PEDS1: variants seen among roughly 807,000 people sequenced by gnomAD.
PEDS1 encodes CarF homolog.
Under a neutral mutation model 35.2 loss-of-function variants are expected in PEDS1, and 14 were observed. That is an observed-to-expected ratio of 0.40 (90% CI 0.26 to 0.62). The LOEUF is 0.62. Among genes scored for constraint, PEDS1 ranks in the 20% least tolerant of loss-of-function variants. PEDS1 has a pLI of 0.44. For synonymous variants in PEDS1, 152 were observed against 152.0 expected, an observed-to-expected ratio of 1.00 and a Z score of 0.00; for missense variants, 260 against 367.8, an observed-to-expected ratio of 0.71 and a Z score of 2.40.
In PEDS1 at chr20:50,121,523, G is replaced by A. The variant is rs2081050840; in HGVS notation, c.*3535C>T. 1 of 152,252 alleles carries A rather than the reference G, an allele frequency of 6.6e-6. No individual in the cohort carries two copies. 9.4% of individuals were successfully genotyped at this position (152,252 alleles called of 1,614,324 possible). A position where few individuals can be genotyped will look rare whatever the true frequency, so the allele number is the denominator to read the frequency against. On this transcript the variant is annotated 3_prime_UTR_variant, in exon 6 of 6. Coordinates refer to ENST00000371652, the MANE Select transcript of PEDS1 (RefSeq NM_199129.4). ...GACCCATGCCAGAGCTCTCTGCACA[G>A]TCTGGTGCAAAGTTAAGTGCTCAGT...
chr20:50,150,692 T>C (rs1194441756), intron 1 of PEDS1, among the ~76,000 whole-genome samples: 1 of 147,020 alleles, frequency 6.8e-6, no homozygotes, highest in Admixed American at 6.6e-5. Context: ...GCTCCGTTTT[T>C]TTCTTTTTCT....
chr20:50,127,749 C>T (rs973021640), intron 5 of PEDS1, among the ~76,000 whole-genome samples: 1 of 152,170 alleles, frequency 6.6e-6, no homozygotes, highest in Non-Finnish European at 1.5e-5. Context: ...AATCACAACG[C>T]CATGAAGTCG....
Position 50,153,693 on chromosome 20 carries a change from G to C in PEDS1, c.-56C>G. 8.4e-7 allele frequency: 1 copy of C among 1,185,410 alleles called. No individual in the cohort carries two copies. The highest frequency in any genetic ancestry group is 1.0e-6 in the Non-Finnish European group (1 of 958,628). The allele number at this position is 1,185,410 out of a possible 1,614,324, so 73.4% of individuals were successfully genotyped here. On this transcript the variant is annotated 5_prime_UTR_variant, in exon 1 of 6. Transcript: ENST00000371652. ...TGCTGGCGGCGGCGGCGGCAGGGCCGCGGAACCGCGGCGAGATCACGCCGC... is the reference window on the plus strand; with the variant it reads ...TGCTGGCGGCGGCGGCGGCAGGGCCCCGGAACCGCGGCGAGATCACGCCGC...
chr20:50,141,170 C>T (rs2081288248), intron 2 of PEDS1, among the ~76,000 whole-genome samples: 1 of 152,206 alleles, frequency 6.6e-6, no homozygotes, highest in Admixed American at 6.5e-5. Flanking sequence ...TATACACGCC[C>T]TGGTGGGGAA....
rs147708113 is a variant in PEDS1, at chr20:50,130,263, G to A, written c.334-573C>T. On this transcript the variant is annotated intron_variant, in intron 3 of 5. Transcript: ENST00000371652. ...AGTTGGCGGAAACTACAGGGAAGGAGAAATGCTGTTCTCCTGGAAGGAGAA... is the reference window on the plus strand; with the variant it reads ...AGTTGGCGGAAACTACAGGGAAGGAAAAATGCTGTTCTCCTGGAAGGAGAA... Among the ~76,000 whole-genome samples the A allele has an allele frequency of 1.6e-3, 241 of 152,346 alleles. 1 individual carries two copies. Among genetic ancestry groups the A allele is most frequent in the Non-Finnish European group, 2.9e-3 (197 of 68,034 alleles).
Position 50,136,098 on chromosome 20 carries a change from TAA to T in PEDS1, c.242-5153_242-5152del, listed in dbSNP as rs796896597. Among the ~76,000 whole-genome samples, 24 of 145,662 alleles carry T rather than the reference TAA, an allele frequency of 1.6e-4. No individual in the cohort carries two copies. The East Asian group carries it at 2.6e-3, about 16-fold the overall frequency. ...GGGTTAAGATGTCAACTACTTTTTT[TAA>T]AAAAAAAAACCTGATATTTATTGAG... On this transcript the variant is annotated intron_variant, in intron 2 of 5. Coordinates refer to ENST00000371652, the MANE Select transcript of PEDS1 (RefSeq NM_199129.4).
rs2081048916 is a variant in PEDS1 at position 50,121,302 on chromosome 20, C to T, written c.*3756G>A. On this transcript the variant is annotated 3_prime_UTR_variant, in exon 6 of 6. Transcript: ENST00000371652. ...AGTGGACACATTTCTCACGTGCCAC[C>T]TGTCTCACCTCCCTCTCCACAATGG... 1 of 152,192 alleles carries T rather than the reference C, an allele frequency of 6.6e-6. No homozygotes were observed. Among genetic ancestry groups the T allele is most frequent in the South Asian group, 2.1e-4 (1 of 4,824 alleles). The allele number at this position is 152,192 out of a possible 1,614,324, so 9.4% of individuals were successfully genotyped here.
intron 1 of PEDS1, 116 bp downstream of exon 1, chr20:50,153,401 T>A: frequency 8.1e-7 from 1 of 1,228,568 alleles, no homozygotes; most frequent in Non-Finnish European, 1.0e-6. Context: ...ATTTGCAAGT[T>A]AGACACCCGG....
intron 5 of PEDS1, among the ~76,000 whole-genome samples, chr20:50,127,287 C>T (rs141782569): frequency 5.9e-5 from 9 of 151,932 alleles, no homozygotes; most frequent in African/African-American, 2.2e-4. Flanking sequence ...TCATTCGTTC[C>T]AGCTCCCTCA....
At chr20:50,134,554 AAATG>A (rs556195523) in intron 2 of PEDS1, among the ~76,000 whole-genome samples, 200 of 152,334 alleles carry the variant, frequency 1.3e-3, no homozygotes, top group African/African-American at 4.6e-3. Context: ...TCTCAAAAAT[AAATG>A]AATGAATGAA....
rs2081431703 is a variant in PEDS1, at chr20:50,153,695, G to A, written c.-58C>T. ...CTGGCGGCGGCGGCGGCAGGGCCGCGGAACCGCGGCGAGATCACGCCGCCC... is the reference window on the plus strand; with the variant it reads ...CTGGCGGCGGCGGCGGCAGGGCCGCAGAACCGCGGCGAGATCACGCCGCCC... On this transcript the variant is annotated 5_prime_UTR_variant, in exon 1 of 6. Coordinates refer to ENST00000371652, the MANE Select transcript of PEDS1 (RefSeq NM_199129.4). 2.6e-5 allele frequency: 31 copies of A among 1,185,306 alleles called. No individual in the cohort carries two copies. The highest frequency in any genetic ancestry group is 3.6e-5 in the East Asian group (1 of 27,748). The allele number at this position is 1,185,306 out of a possible 1,614,324, so 73.4% of individuals were successfully genotyped here.
At chr20:50,150,971 C>T (rs377262426) in intron 1 of PEDS1, among the ~76,000 whole-genome samples, 39 of 152,246 alleles carry the variant, frequency 2.6e-4, no homozygotes, top group East Asian at 1.7e-3. Context: ...GCTAGGATTA[C>T]GGGTGTGAGC....
rs1249018660 is a variant in PEDS1, at chr20:50,124,847, T to C, written c.*211A>G. On this transcript the variant is annotated 3_prime_UTR_variant, in exon 6 of 6. Transcript: ENST00000371652. ...TTGCAGATAGAGCAACTCAGGTGGC[T>C]GAGGAGGGGCCGAGGAAAAAAAAAA... 4 of 554,200 alleles carry C rather than the reference T, an allele frequency of 7.2e-6. No individual in the cohort carries two copies. Among genetic ancestry groups the C allele is most frequent in the Non-Finnish European group, 6.1e-6 (2 of 329,400 alleles). 34.3% of individuals were successfully genotyped at this position (554,200 alleles called of 1,614,324 possible). A position where few individuals can be genotyped will look rare whatever the true frequency, so the allele number is the denominator to read the frequency against.
rs1390837262 is a variant in PEDS1 at position 50,121,195 on chromosome 20, T to G, written c.*3863A>C. 1 of 152,264 alleles carries G rather than the reference T, an allele frequency of 6.6e-6. No homozygotes were observed. Among genetic ancestry groups the G allele is most frequent in the Non-Finnish European group, 1.5e-5 (1 of 68,036 alleles). 9.4% of individuals were successfully genotyped at this position (152,264 alleles called of 1,614,324 possible). ...TTAACCAGCTGCTGTGAGTAGCAGC[T>G]GCCCTTTAGGCCTGATGTCTCCAGG... On this transcript the variant is annotated 3_prime_UTR_variant, in exon 6 of 6. Coordinates refer to ENST00000371652, the MANE Select transcript of PEDS1 (RefSeq NM_199129.4).
chr20:50,134,736 T>C (rs2081215265), intron 2 of PEDS1, among the ~76,000 whole-genome samples: 1 of 152,206 alleles, frequency 6.6e-6, no homozygotes, highest in Admixed American at 6.5e-5. Context: ...CATTTTATGT[T>C]ATAATTGAAT....
chr20:50,121,104 GT>G lies in PEDS1; in HGVS notation c.*3953del, dbSNP rs1249292415. The G allele has an allele frequency of 6.6e-6, 1 of 152,206 alleles. No homozygotes were observed. Among genetic ancestry groups the G allele is most frequent in the African/African-American group, 2.4e-5 (1 of 41,430 alleles). 9.4% of individuals were successfully genotyped at this position (152,206 alleles called of 1,614,324 possible). ...GGCAGTTGGCCTATGCACTCATTTT[GT>G]TTTGCCCACAGTACGTTTTAAACAC... On this transcript the variant is annotated 3_prime_UTR_variant, in exon 6 of 6. Coordinates refer to ENST00000371652, the MANE Select transcript of PEDS1 (RefSeq NM_199129.4).
At chr20:50,150,832 A>T (rs1419677443) in intron 1 of PEDS1, among the ~76,000 whole-genome samples, 1 of 151,902 alleles carries the variant, frequency 6.6e-6, no homozygotes, top group African/African-American at 2.4e-5. Context: ...AGTAGGTGGG[A>T]TTACAGGGGC....
intron 2 of PEDS1, among the ~76,000 whole-genome samples, chr20:50,139,224 G>A (rs1405344582): frequency 2.0e-5 from 3 of 152,016 alleles, no homozygotes; most frequent in African/African-American, 7.3e-5. Flanking sequence ...CAAGGTCCAC[G>A]AAGGACTCTG....
chr20:50,130,902 CA>C lies in PEDS1; in HGVS notation c.286del (p.Trp96GlyfsTer47). ...CACAGAGCCCCATGTGTCAGCACCC[CA>C]GTGTACCAGGCCAGACAAGAAGTCA... ...IADFLSGLVH[W>X]GADTWGSVEL... On this transcript the variant is annotated frameshift_variant, in exon 3 of 6. Coordinates refer to ENST00000371652, the MANE Select transcript of PEDS1 (RefSeq NM_199129.4). LOFTEE classifies it high-confidence loss of function. 6.2e-7 allele frequency: 1 copy of C among 1,614,224 alleles called. No individual in the cohort carries two copies.
Sources: gnomAD v4.1 joint callset for allele counts (sites outside exome capture counted in the v4.1 genomes callset) on GRCh38, gnomAD v4.1.1 for gene constraint, MANE v1.5 for transcripts, NCBI Gene and HGNC (gene_info 2026-07-23, HGNC 2026-07-21) for gene names.